Variants in HMGXB3 observed in about 807,000 individuals in gnomAD.
HMGXB3 encodes the protein HMG-box containing 3.
A neutral mutation model predicts 121.5 loss-of-function variants in HMGXB3; 45 were observed. The ratio of observed to expected loss-of-function variants is 0.37; its 90% CI spans 0.29 to 0.47. The LOEUF (loss-of-function observed/expected upper bound fraction) is 0.47, where lower values mean the gene tolerates loss of function less well. Among genes scored for constraint, HMGXB3 ranks in the 20% least tolerant of loss-of-function variants. The probability of loss-of-function intolerance (pLI) is 0.99; values close to 1 mark genes in which losing one functional copy is unlikely to be tolerated. For synonymous variants in HMGXB3, 590 were observed against 624.1 expected, an observed-to-expected ratio of 0.95 and a Z score of 0.81; for missense variants, 1,376 against 1,602.2, an observed-to-expected ratio of 0.86 and a Z score of 2.41.
At position 150,030,647 on chromosome 5, in the gene HMGXB3, C is replaced by A; in HGVS notation, c.1735-94C>A. 8.6e-6 allele frequency: 8 copies of A among 930,542 alleles called. 1 individual carries two copies. Among genetic ancestry groups the A allele is most frequent in the Non-Finnish European group, 1.3e-5 (8 of 592,786 alleles). The allele number at this position is 930,542 out of a possible 1,614,324, so 57.6% of individuals were successfully genotyped here. ...TTTGGAGAATAGCTCTACAAATTCC[C>A]CGGGAAAGCATTCCCTCAAGTCGTT... On this transcript the variant is annotated intron_variant, in intron 9 of 19. Transcript: ENST00000502717.
chr5:150,027,419 A>G (rs939050658), intron 9 of HMGXB3, among the ~76,000 whole-genome samples: 1 of 152,072 alleles, frequency 6.6e-6, no homozygotes, highest in African/African-American at 2.4e-5. Context: ...GTATTAGCCC[A>G]TTTTGCTTTA....
chr5:150,036,578 G>T, intron 11 of HMGXB3, 58 bp from the exon 12 acceptor site: 2 of 1,424,488 alleles, frequency 1.4e-6, no homozygotes, highest in South Asian at 2.9e-5. Context: ...TATTATTTTA[G>T]CCTGAAGCTG....
rs568502759 is a variant in HMGXB3, at chr5:150,040,493, G to A, written c.2414-255G>A. On this transcript the variant is annotated intron_variant, in intron 13 of 19. Coordinates refer to ENST00000502717, the MANE Select transcript of HMGXB3 (RefSeq NM_014983.3). ...GATCCTCCCACCTTGGGAGACTACA[G>A]GTCTCCCAAAGTGCTGAGACTACAG... Among the ~76,000 whole-genome samples the A allele has an allele frequency of 2.0e-5, 3 of 151,224 alleles. No individual in the cohort carries two copies. The South Asian group carries it at 6.3e-4, about 32-fold the overall frequency.
chr5:150,040,908 G>GGTTA (rs1399946779), intron 14 of HMGXB3, 29 bp downstream of exon 14: 3 of 1,530,364 alleles, frequency 2.0e-6, no homozygotes, highest in Non-Finnish European at 2.6e-6. Flanking sequence ...CCTTTCCCAA[G>GGTTA]GTTAGTCCTA....
chr5:150,016,719 A>C (rs1755969044), intron 5 of HMGXB3, among the ~76,000 whole-genome samples: 1 of 152,206 alleles, frequency 6.6e-6, no homozygotes, highest in Non-Finnish European at 1.5e-5. Context: ...CTGTCTTTAA[A>C]AGAGGTGGTT....
rs1581272319 is a variant in HMGXB3 at position 150,052,431 on chromosome 5, G to C, written c.*239G>C. On this transcript the variant is annotated 3_prime_UTR_variant, in exon 20 of 20. Transcript: ENST00000502717. The stretch of plus-strand genomic sequence containing the variant: ...CTCTTCTGGCCCCGAGAGAGCACTT[G>C]GGGGACACGGTATGTTTAATGGAGG... 11 of 524,700 alleles carry C rather than the reference G, an allele frequency of 2.1e-5. No individual in the cohort carries two copies. The East Asian group carries it at 3.4e-4, about 16-fold the overall frequency. 32.5% of individuals were successfully genotyped at this position (524,700 alleles called of 1,614,324 possible). A position where few individuals can be genotyped will look rare whatever the true frequency, so the allele number is the denominator to read the frequency against.
intron 19 of HMGXB3, among the ~76,000 whole-genome samples, chr5:150,050,772 C>T (rs543607503): frequency 2.0e-5 from 3 of 152,338 alleles, no homozygotes; most frequent in Admixed American, 6.5e-5. Context: ...TGAGCCACCA[C>T]GCCCAGCCTA....
chr5:150,015,637 A>G (rs1755943050), intron 5 of HMGXB3, among the ~76,000 whole-genome samples: 1 of 152,082 alleles, frequency 6.6e-6, no homozygotes, highest in African/African-American at 2.4e-5. Flanking sequence ...ATTTCCCTCT[A>G]AGCACTGCTT....
At chr5:150,006,330 C>T in intron 2 of HMGXB3, 143 bp from the exon 3 acceptor site, 1 of 566,058 alleles carries the variant, frequency 1.8e-6, no homozygotes. Flanking sequence ...GTTTTATCAA[C>T]CTCTTGACTA....
At chr5:150,026,908 G>GGTA in intron 8 of HMGXB3, 27 bp downstream of exon 8, 1 of 1,510,894 alleles carries the variant, frequency 6.6e-7, no homozygotes, top group Non-Finnish European at 8.9e-7. Flanking sequence ...ACCTGGGATG[G>GGTA]AGGGGCTGTC....
At chr5:150,016,925 CTT>C (rs1401244623) in intron 5 of HMGXB3, among the ~76,000 whole-genome samples, 4 of 152,134 alleles carry the variant, frequency 2.6e-5, no homozygotes, top group African/African-American at 9.7e-5. Context: ...ATATTTTTAA[CTT>C]ATAAGTTTAT....
chr5:150,017,002 A>G (rs1755975700), intron 5 of HMGXB3, among the ~76,000 whole-genome samples: 1 of 152,240 alleles, frequency 6.6e-6, no homozygotes, highest in African/African-American at 2.4e-5. Context: ...ATTTTAAAAT[A>G]GGAACAGCCT....
chr5:150,048,539 T>C, intron 17 of HMGXB3, 30 bp from the exon 18 acceptor site: 1 of 1,451,550 alleles, frequency 6.9e-7, no homozygotes, highest in Non-Finnish European at 9.5e-7. Context: ...CATTCGCCCT[T>C]ATGTTTTTAA....
At chr5:150,040,012 G>T (rs1466059657) in intron 13 of HMGXB3, among the ~76,000 whole-genome samples, 1 of 152,142 alleles carries the variant, frequency 6.6e-6, no homozygotes, top group Non-Finnish European at 1.5e-5. Context: ...AGCCTTTGTT[G>T]TACCCCTTAC....
chr5:150,025,472 T>C (rs1477942083), intron 7 of HMGXB3, among the ~76,000 whole-genome samples: 2 of 150,590 alleles, frequency 1.3e-5, no homozygotes, highest in South Asian at 2.1e-4. Context: ...TATGCAAATA[T>C]GTATGTGTGT....
chr5:150,028,972 A>G (rs1251340891), intron 9 of HMGXB3, among the ~76,000 whole-genome samples: 1 of 152,122 alleles, frequency 6.6e-6, no homozygotes, highest in African/African-American at 2.4e-5. Context: ...GTCTAGGATC[A>G]GATATTAACG....
intron 9 of HMGXB3, 22 bp downstream of exon 9, chr5:150,027,139 G>A (rs1162328863): frequency 6.5e-7 from 1 of 1,542,940 alleles, no homozygotes; most frequent in African/African-American, 1.4e-5. Context: ...TTTCCAGAGT[G>A]GGAGCTGTTT....
intron 4 of HMGXB3, 55 bp from the exon 5 acceptor site, chr5:150,012,200 G>T (rs955521589): frequency 8.0e-7 from 1 of 1,247,052 alleles, no homozygotes; most frequent in Non-Finnish European, 1.2e-6. Context: ...GAGTGGCCTG[G>T]GTGTTCTTTA....
In HMGXB3 at chr5:150,018,675, T is replaced by C; in HGVS notation, c.1019T>C (p.Leu340Pro). 6.4e-7 allele frequency: 1 copy of C among 1,550,404 alleles called. No individual in the cohort carries two copies. Among genetic ancestry groups the C allele is most frequent in the Non-Finnish European group, 8.7e-7 (1 of 1,146,370 alleles). The change falls in exon 6 of 20, where the codon CTA becomes CCA. Residue 340 changes from leucine (L) to proline (P), a missense_variant. Physicochemically the swap from Leu to Pro is moderately conservative, Grantham distance 98 (BLOSUM62 -3). Transcript: ENST00000502717. Reference sequence around the variant, plus strand: ...AAGTGCCCTACCTGTGGTAACTTCCTAGGAGGGAAGTGGATCCCAAAGGTA... The same window carrying C: ...AAGTGCCCTACCTGTGGTAACTTCCCAGGAGGGAAGTGGATCCCAAAGGTA... ...PPKCPTCGNF[L>P]GGKWIPKEKP...
Sources: allele counts gnomAD v4.1 joint callset (sites outside exome capture counted in the v4.1 genomes callset), GRCh38; gene constraint gnomAD v4.1.1; transcripts MANE v1.5; gene names NCBI Gene and HGNC (gene_info 2026-07-23, HGNC 2026-07-21).